The following WNT2B variants were observed in gnomAD, a reference collection of about 807,000 sequenced individuals.
WNT2B encodes the protein Wnt family member 2B.
WNT2B carries 19 observed loss-of-function variants against 40.5 expected under a neutral mutation model. That is an observed-to-expected ratio of 0.47 (90% CI 0.33 to 0.69). The LOEUF (loss-of-function observed/expected upper bound fraction) is 0.69. WNT2B is among the 30% of genes least tolerant of loss of function. The probability of loss-of-function intolerance (pLI) is 0.02; values close to 1 mark genes in which losing one functional copy is unlikely to be tolerated. For missense variants in WNT2B, 467 were observed against 556.4 expected (o/e 0.84, Z 1.62); for synonymous variants, 220 against 211.9 (o/e 1.04, Z -0.33).
At chr1:112,500,232 A>G (rs1435427764) in intron 1 of WNT2B, among the ~76,000 whole-genome samples, 1 of 152,206 alleles carries the variant, frequency 6.6e-6, no homozygotes, top group African/African-American at 2.4e-5. Context: ...TCCAGAGGCT[A>G]CATTATCACA....
intron 1 of WNT2B, among the ~76,000 whole-genome samples, chr1:112,496,181 A>C (rs1457819061): frequency 2.0e-5 from 3 of 152,136 alleles, no homozygotes; most frequent in Non-Finnish European, 2.9e-5. Flanking sequence ...CGATGTAATC[A>C]TAGCTCACTG....
intron 1 of WNT2B, among the ~76,000 whole-genome samples, chr1:112,514,411 C>G (rs541788049): frequency 6.6e-5 from 10 of 152,194 alleles, no homozygotes; most frequent in Admixed American, 6.5e-5. Flanking sequence ...TCACCACCCC[C>G]CTGCTGTCAA....
chr1:112,476,085 A>G (rs1388091593), intron 1 of WNT2B, among the ~76,000 whole-genome samples: 3 of 152,246 alleles, frequency 2.0e-5, no homozygotes, highest in Non-Finnish European at 2.9e-5. Context: ...AAAGATCTAA[A>G]TCATGCAAAT....
chr1:112,466,895 T>G (rs772861022), exon 1 of WNT2B: 3 of 152,220 alleles, frequency 2.0e-5, no homozygotes, highest in Non-Finnish European at 4.4e-5. Flanking sequence ...ATGCCACAGT[T>G]CCTACTAGGT....
At chr1:112,484,465 C>G (rs993562506) in intron 1 of WNT2B, among the ~76,000 whole-genome samples, 3 of 150,330 alleles carry the variant, frequency 2.0e-5, no homozygotes, top group Non-Finnish European at 4.4e-5. Context: ...TTTGTAGAGA[C>G]AAGGTTTCAC....
At position 112,529,562 on chromosome 1, in the gene WNT2B, T is replaced by C. The variant is rs908333761; in HGVS notation, c.*9053T>C. 2.0e-5 allele frequency: 3 copies of C among 152,168 alleles called. No homozygotes were observed. Among genetic ancestry groups the C allele is most frequent in the Non-Finnish European group, 4.4e-5 (3 of 68,038 alleles). 9.4% of individuals were successfully genotyped at this position (152,168 alleles called of 1,614,324 possible). Reference sequence around the variant, plus strand: ...AATACTCATAAAATATCTAACTGGCTTATTTTTCATCTGTTCTCCCAGAGA... The same window carrying C: ...AATACTCATAAAATATCTAACTGGCCTATTTTTCATCTGTTCTCCCAGAGA... On this transcript the variant is annotated 3_prime_UTR_variant, in exon 5 of 5. Transcript: ENST00000369684.
intron 1 of WNT2B, among the ~76,000 whole-genome samples, chr1:112,488,246 C>T (rs1238692025): frequency 6.6e-6 from 1 of 151,856 alleles, no homozygotes; most frequent in African/African-American, 2.4e-5. Flanking sequence ...TGCAGTTAGC[C>T]GAGATCGCTC....
At position 112,500,183 on chromosome 1, in the gene WNT2B, A is replaced by G. The variant is rs186828172; in HGVS notation, c.-94-14691A>G. On this transcript the variant is annotated intron_variant, in intron 1 of 4. Coordinates refer to the WNT2B transcript ENST00000256640. ...AGTAATACTAAGCTGTTATTTGTTCATGTTTCCCTCGTTCTGTCATGAATG... is the reference window on the plus strand; with the variant it reads ...AGTAATACTAAGCTGTTATTTGTTCGTGTTTCCCTCGTTCTGTCATGAATG... Among the ~76,000 whole-genome samples, 76 of 152,302 alleles carry G rather than the reference A, an allele frequency of 5.0e-4. 1 individual carries two copies. Among genetic ancestry groups the G allele is most frequent in the Admixed American group, 3.5e-3 (53 of 15,296 alleles).
chr1:112,517,891 G>C (rs1260924898), intron 4 of WNT2B: 2 of 155,772 alleles, frequency 1.3e-5, no homozygotes, highest in African/African-American at 4.8e-5. Context: ...GGAGTATCTG[G>C]ATAGCTTGAG....
rs750216226 is a variant in WNT2B at position 112,509,331 on chromosome 1, T to C, written c.69T>C (p.Pro23=). The C allele has an allele frequency of 6.9e-6, 11 of 1,587,902 alleles. No individual in the cohort carries two copies. The East Asian group carries it at 1.6e-4, about 23-fold the overall frequency. The stretch of plus-strand genomic sequence containing the variant: ...TTCGGCGCGCCAGCGCCCCGGTCCC[T>C]GTGCCGTCGCCCGCGGCCCCCGACG... ...LPLRRASAPV[P]VPSPAAPDGS... Residue 23 remains proline, a synonymous_variant, in exon 1 of 5, where the codon CCT becomes CCC. Coordinates refer to ENST00000369684, the MANE Select transcript of WNT2B (RefSeq NM_024494.3). This position sits in a 1 kb window ranked among gnomAD's most constrained non-coding sequence, Gnocchi z 4.2.
At chr1:112,510,855 C>T (rs1158547882) in intron 1 of WNT2B, among the ~76,000 whole-genome samples, 4 of 152,114 alleles carry the variant, frequency 2.6e-5, no homozygotes, top group Non-Finnish European at 5.9e-5. Context: ...TTTCAAAGTT[C>T]TGAGTGAGAT....
rs1652235601 is a variant in WNT2B at position 112,509,041 on chromosome 1, G to C, written c.-222G>C. On this transcript the variant is annotated 5_prime_UTR_variant, in exon 1 of 5. Transcript: ENST00000369684. This position sits in a 1 kb window ranked among gnomAD's most constrained non-coding sequence, Gnocchi z 4.2. Reference sequence around the variant, plus strand: ...CCCGGTCCTCAGGCAGCGCGCCCCAGACCCCGGGTTCGGCACGCCGTCGTC... The same window carrying C: ...CCCGGTCCTCAGGCAGCGCGCCCCACACCCCGGGTTCGGCACGCCGTCGTC... 1.5e-6 allele frequency: 2 copies of C among 1,354,608 alleles called. No homozygotes were observed. The highest frequency in any genetic ancestry group is 3.9e-5 in the Admixed American group (1 of 25,486). 83.9% of individuals were successfully genotyped at this position (1,354,608 alleles called of 1,614,324 possible). A position where few individuals can be genotyped will look rare whatever the true frequency, so the allele number is the denominator to read the frequency against.
Position 112,509,113 on chromosome 1 carries a change from C to A in WNT2B, c.-150C>A. The A allele has an allele frequency of 7.4e-7, 1 of 1,359,144 alleles. No individual in the cohort carries two copies. The highest frequency in any genetic ancestry group is 1.8e-5 in the South Asian group (1 of 55,396). 84.2% of individuals were successfully genotyped at this position (1,359,144 alleles called of 1,614,324 possible). On this transcript the variant is annotated 5_prime_UTR_variant, in exon 1 of 5. Coordinates refer to ENST00000369684, the MANE Select transcript of WNT2B (RefSeq NM_024494.3). This position sits in a 1 kb window ranked among gnomAD's most constrained non-coding sequence, Gnocchi z 4.2. ...GCGCCCCTCTCGGGGATCCTCCTCC[C>A]GGGCTCTGGACCCCAGGTGATCCTA... is the stretch of plus-strand genomic sequence containing the variant.
chr1:112,515,034 C>T lies in WNT2B; in HGVS notation c.343C>T (p.Arg115Cys), dbSNP rs1366215291. Residue 115 changes from arginine to cysteine, a missense_variant, in exon 2 of 5, where the codon CGC (arginine) becomes TGC (cysteine). Coordinates refer to ENST00000369684, the MANE Select transcript of WNT2B (RefSeq NM_024494.3). The surrounding 1 kb of genome is among the most constrained non-coding windows in gnomAD (Gnocchi z 4.4). ...GTGTCAGCACCAATTCCGCCACCAC[C>T]GCTGGAACTGTACCACCCTGGACCG... is the stretch of plus-strand genomic sequence containing the variant. The part of the protein sequence containing the change: ...RECQHQFRHH[R>C]WNCTTLDRDH... 11 of 1,614,088 alleles carry T rather than the reference C, an allele frequency of 6.8e-6. No homozygotes were observed. Among genetic ancestry groups the T allele is most frequent in the Non-Finnish European group, 8.5e-6 (10 of 1,180,044 alleles).
intron 1 of WNT2B, among the ~76,000 whole-genome samples, chr1:112,490,541 G>A (rs1297494638): frequency 1.3e-5 from 2 of 149,572 alleles, no homozygotes; most frequent in Non-Finnish European, 3.0e-5. Context: ...CCAGGTTGGA[G>A]TGCAGAGGCA....
In WNT2B at chr1:112,515,810, G is replaced by C. The variant is rs1652510661; in HGVS notation, c.404-330G>C. ...GACTAAGGCAGGCTTAGCTGAGCCA[G>C]TGCTGGCACTCAGTGGGAGGGGATG... is the stretch of plus-strand genomic sequence containing the variant. On this transcript the variant is annotated intron_variant, in intron 2 of 4. Coordinates refer to ENST00000369684, the MANE Select transcript of WNT2B (RefSeq NM_024494.3). This position sits in a 1 kb window ranked among gnomAD's most constrained non-coding sequence, Gnocchi z 4.4. 6.6e-6 allele frequency among the ~76,000 whole-genome samples: 1 copy of C among 152,242 alleles called. No homozygotes were observed. Among genetic ancestry groups the C allele is most frequent in the Non-Finnish European group, 1.5e-5 (1 of 68,046 alleles).
chr1:112,497,174 C>T (rs891106264), intron 1 of WNT2B, among the ~76,000 whole-genome samples: 1 of 152,168 alleles, frequency 6.6e-6, no homozygotes, highest in African/African-American at 2.4e-5. Flanking sequence ...GCTGGCATTG[C>T]AAGTCCATGC....
chr1:112,490,524 C>G (rs1214398679), intron 1 of WNT2B, among the ~76,000 whole-genome samples: 1 of 149,516 alleles, frequency 6.7e-6, no homozygotes, highest in African/African-American at 2.5e-5. Context: ...GAGTCTCGCT[C>G]TGTCTCCCAG....
At chr1:112,501,886 A>G (rs1483133954) in intron 1 of WNT2B, among the ~76,000 whole-genome samples, 2 of 152,192 alleles carry the variant, frequency 1.3e-5, no homozygotes, top group Non-Finnish European at 2.9e-5. Context: ...GGGAACACCC[A>G]CTTCTCCGTG....
Sources: allele counts gnomAD v4.1 joint callset (sites outside exome capture counted in the v4.1 genomes callset), GRCh38; gene constraint gnomAD v4.1.1; non-coding constraint Gnocchi (gnomAD v3.1); transcripts MANE v1.5; gene names NCBI Gene and HGNC (gene_info 2026-07-23, HGNC 2026-07-21).